Variants in EBF3 observed in about 807,000 individuals in gnomAD.
The protein encoded by EBF3 is transcription factor COE3.
Under a neutral mutation model 77.1 loss-of-function variants are expected in EBF3, and 18 were observed. The ratio of observed to expected loss-of-function variants is 0.23; its 90% CI spans 0.16 to 0.35. EBF3 has a LOEUF of 0.35. Among genes scored for constraint, EBF3 ranks in the 10% least tolerant of loss-of-function variants. The pLI is 1.00. For synonymous variants in EBF3, 350 were observed against 343.5 expected, an observed-to-expected ratio of 1.02 and a Z score of -0.21; for missense variants, 558 against 860.0, an observed-to-expected ratio of 0.65 and a Z score of 4.39.
chr10:129,886,471 C>T (rs1853594327), intron 6 of EBF3, among the ~76,000 whole-genome samples: 1 of 152,224 alleles, frequency 6.6e-6, no homozygotes, highest in Non-Finnish European at 1.5e-5. Flanking sequence ...ACCGAGCCCT[C>T]TCTCTTCACC....
Position 129,884,819 on chromosome 10 carries a change from G to A in EBF3, c.555-6970C>T, listed in dbSNP as rs192569420. Reference sequence around the variant, plus strand: ...ACGGCTTGACTTGCAGTTCAACAACGACTGGCCTTTGTCTGGGGATTCTGG... The same window carrying A: ...ACGGCTTGACTTGCAGTTCAACAACAACTGGCCTTTGTCTGGGGATTCTGG... On this transcript the variant is annotated intron_variant, in intron 6 of 16. Coordinates refer to ENST00000440978, the MANE Select transcript of EBF3 (RefSeq NM_001375380.1). Among the ~76,000 whole-genome samples the A allele has an allele frequency of 1.0e-3, 159 of 152,288 alleles. 1 individual carries two copies. The highest frequency in any genetic ancestry group is 3.4e-3 in the African/African-American group (141 of 41,572).
At chr10:129,923,885 C>G (rs1856472124) in intron 6 of EBF3, among the ~76,000 whole-genome samples, 1 of 152,164 alleles carries the variant, frequency 6.6e-6, no homozygotes, top group Non-Finnish European at 1.5e-5. Context: ...TACTTGCAAA[C>G]CAAGTATCTA....
rs751629678 is a variant in EBF3, at chr10:129,848,464, G to A, written c.1056C>T (p.Thr352=). The A allele has an allele frequency of 2.5e-6, 4 of 1,614,174 alleles. No individual in the cohort carries two copies. The highest frequency in any genetic ancestry group is 3.4e-6 in the Non-Finnish European group (4 of 1,180,042). The change falls in exon 11 of 17, where the codon ACC becomes ACT. Residue 352 remains threonine, a synonymous_variant. Coordinates refer to ENST00000440978, the MANE Select transcript of EBF3 (RefSeq NM_001375380.1). The surrounding 1 kb of genome is among the most constrained non-coding windows in gnomAD (Gnocchi z 4.4). ...RFVYTALNEP[T]IDYGFQRLQK... ...GCAACCTCTGAAAGCCGTAATCTAT[G>A]GTTGGTTCATTAAGGGCTGCAACAG...
chr10:129,872,310 G>A (rs561158203), intron 8 of EBF3, among the ~76,000 whole-genome samples: 18 of 152,150 alleles, frequency 1.2e-4, no homozygotes, highest in Non-Finnish European at 2.5e-4. Flanking sequence ...TACGTCACAG[G>A]CTCTAATGAC....
rs974955742 is a variant in EBF3 at position 129,839,127 on chromosome 10, T to C, written c.1828A>G (p.Ile610Val). 1 of 1,304,484 alleles carries C rather than the reference T, an allele frequency of 7.7e-7. No individual in the cohort carries two copies. The highest frequency in any genetic ancestry group is 1.0e-6 in the Non-Finnish European group (1 of 988,990). 80.8% of individuals were successfully genotyped at this position (1,304,484 alleles called of 1,614,324 possible). ...AGCATTAGTTCATCAAAGTGAAATA[T>C]GCCACCGACTTCACAAAAGGGCCAG... ...TNWPFCEVGGIFHFDELMLKK... is the reference protein window; with the variant it reads ...TNWPFCEVGGVFHFDELMLKK... Residue 610 changes from isoleucine to valine, a missense_variant, in exon 16 of 17, where the codon ATA becomes GTA. Transcript: ENST00000440978.
intron 6 of EBF3, among the ~76,000 whole-genome samples, chr10:129,953,521 C>CTA (rs1858823247): frequency 6.6e-6 from 1 of 152,182 alleles, no homozygotes; most frequent in Non-Finnish European, 1.5e-5. Context: ...TCTCCCAACT[C>CTA]TATAGACTAA....
intron 4 of EBF3, among the ~76,000 whole-genome samples, chr10:129,960,628 CTTTTTTT>C (rs34551386): frequency 8.7e-6 from 1 of 115,240 alleles, no homozygotes; most frequent in African/African-American, 3.3e-5. Flanking sequence ...TATTTCTTTC[CTTTTTTT>C]TTTTTTTTTT....
At chr10:129,854,557 A>G (rs1400530203) in intron 10 of EBF3, among the ~76,000 whole-genome samples, 1 of 152,210 alleles carries the variant, frequency 6.6e-6, no homozygotes, top group African/African-American at 2.4e-5. Flanking sequence ...GCTTCTTAAG[A>G]GCACCTAATG....
At position 129,842,914 on chromosome 10, in the gene EBF3, G is replaced by T. The variant is rs529876715; in HGVS notation, c.1194+223C>A. ...ATGGGTTTCAAGGCTGTGCACTCCC[G>T]CTGTGACAAGTTTTTTCTGCTTTTG... On this transcript the variant is annotated intron_variant, in intron 12 of 16. Transcript: ENST00000440978. This position sits in a 1 kb window ranked among gnomAD's most constrained non-coding sequence, Gnocchi z 4.4. Among the ~76,000 whole-genome samples, 3 of 104,364 alleles carry T rather than the reference G, an allele frequency of 2.9e-5. No homozygotes were observed. The highest frequency in any genetic ancestry group is 1.8e-4 in the Admixed American group (2 of 10,952). 68.5% of individuals were successfully genotyped at this position (104,364 alleles called of 152,430 possible). A position where few individuals can be genotyped will look rare whatever the true frequency, so the allele number is the denominator to read the frequency against.
Position 129,861,954 on chromosome 10 carries a change from G to A in EBF3, c.1039+5187C>T, listed in dbSNP as rs572665029. On this transcript the variant is annotated intron_variant, in intron 10 of 16. Coordinates refer to ENST00000440978, the MANE Select transcript of EBF3 (RefSeq NM_001375380.1). This position sits in a 1 kb window ranked among gnomAD's most constrained non-coding sequence, Gnocchi z 4.3. ...GCACAGTCGACTCCGCAGTGCTGAC[G>A]GGACCGCCTCTCAATGCACACAAAA... Among the ~76,000 whole-genome samples the A allele has an allele frequency of 2.0e-5, 3 of 152,274 alleles. No homozygotes were observed. The highest frequency in any genetic ancestry group is 4.2e-4 in the South Asian group (2 of 4,814).
At chr10:129,948,598 C>A (rs1858421853) in intron 6 of EBF3, among the ~76,000 whole-genome samples, 1 of 118,178 alleles carries the variant, frequency 8.5e-6, no homozygotes, top group South Asian at 2.6e-4. Context: ...CACACCAAAG[C>A]AAGACGTTAA....
rs986965824 is a variant in EBF3 at position 129,943,510 on chromosome 10, A to T, written c.554+13748T>A. Among the ~76,000 whole-genome samples the T allele has an allele frequency of 2.6e-5, 4 of 152,106 alleles. No individual in the cohort carries two copies. The highest frequency in any genetic ancestry group is 4.4e-5 in the Non-Finnish European group (3 of 68,034). ...TAAACTTCTGGAGGTTAGAGATTGG[A>T]TAATTTCTTTCAGCTGGACCTGGCC... On this transcript the variant is annotated intron_variant, in intron 6 of 16. Coordinates refer to ENST00000440978, the MANE Select transcript of EBF3 (RefSeq NM_001375380.1). The surrounding 1 kb of genome is among the most constrained non-coding windows in gnomAD (Gnocchi z 8.8).
At chr10:129,862,051 C>T (rs371688580) in intron 10 of EBF3, among the ~76,000 whole-genome samples, 8 of 152,200 alleles carry the variant, frequency 5.3e-5, no homozygotes, top group African/African-American at 1.2e-4. Context: ...TGTGGACACC[C>T]GCCAGGAGAC....
chr10:129,858,591 G>A (rs911051145), intron 10 of EBF3, among the ~76,000 whole-genome samples: 1 of 152,156 alleles, frequency 6.6e-6, no homozygotes, highest in Non-Finnish European at 1.5e-5. Flanking sequence ...CTGGGTGCCT[G>A]GGGCTGAGAC....
At chr10:129,888,532 C>A (rs934146269) in intron 6 of EBF3, among the ~76,000 whole-genome samples, 1 of 152,216 alleles carries the variant, frequency 6.6e-6, no homozygotes, top group African/African-American at 2.4e-5. Flanking sequence ...CTGATACCTG[C>A]GCTTTTGTGG....
intron 4 of EBF3, among the ~76,000 whole-genome samples, chr10:129,959,988 G>T (rs1258619018): frequency 1.3e-5 from 2 of 152,192 alleles, no homozygotes; most frequent in Non-Finnish European, 2.9e-5. Flanking sequence ...GCCAGATGGT[G>T]CGAAGCCCTA....
intron 4 of EBF3, among the ~76,000 whole-genome samples, chr10:129,959,804 G>A (rs1859351005): frequency 6.6e-6 from 1 of 151,942 alleles, no homozygotes; most frequent in Non-Finnish European, 1.5e-5. Flanking sequence ...CAGGAGTGCC[G>A]GGGCCCCAGG....
intron 4 of EBF3, among the ~76,000 whole-genome samples, chr10:129,960,562 C>G (rs966754323): frequency 1.3e-5 from 2 of 151,114 alleles, no homozygotes; most frequent in Admixed American, 6.6e-5. Context: ...GTAGCACAAA[C>G]AGAAATCCAT....
chr10:129,867,230 G>T lies in EBF3; in HGVS notation c.950C>A (p.Pro317Gln). 2 of 1,614,126 alleles carry T rather than the reference G, an allele frequency of 1.2e-6. No homozygotes were observed. Among genetic ancestry groups the T allele is most frequent in the Non-Finnish European group, 8.5e-7 (1 of 1,180,032 alleles). ...TPHAIRVQTPPRHIPGVVEVT... is the reference protein window; with the variant it reads ...TPHAIRVQTPQRHIPGVVEVT... ...TTCGACGACGCCAGGAATGTGCCTCGGCGGGGTCTGGACTCGGATGGCATG... is the reference window on the plus strand; with the variant it reads ...TTCGACGACGCCAGGAATGTGCCTCTGCGGGGTCTGGACTCGGATGGCATG... The change falls in exon 10 of 17, where the codon CCG becomes CAG. Residue 317 changes from proline (P) to glutamine (Q), a missense_variant. Around this residue, in one of 5 missense-constraint regions of EBF3, gnomAD observed 112 missense variants for 207.7 expected, o/e 0.54. Coordinates refer to ENST00000440978, the MANE Select transcript of EBF3 (RefSeq NM_001375380.1).
Sources: allele counts gnomAD v4.1 joint callset (sites outside exome capture counted in the v4.1 genomes callset), GRCh38; gene constraint gnomAD v4.1.1; regional missense constraint gnomAD v4.1.1; non-coding constraint Gnocchi (gnomAD v3.1); transcripts MANE v1.5; gene names NCBI Gene and HGNC (gene_info 2026-07-23, HGNC 2026-07-21).